APLF: variants seen among roughly 807,000 people sequenced by gnomAD.
APLF encodes aprataxin and PNKP like factor, also known as aprataxin and PNK-like factor.
A neutral mutation model predicts 55.6 loss-of-function variants in APLF; 61 were observed. The ratio of observed to expected loss-of-function variants is 1.10; its 90% confidence interval spans 0.89 to 1.36. APLF has a LOEUF of 1.36. Ranked by LOEUF, APLF falls within the 40% of genes most tolerant of loss-of-function variation. The probability of loss-of-function intolerance (pLI) is 0.00; values close to 1 mark genes in which losing one functional copy is unlikely to be tolerated. For synonymous variants in APLF, 207 were observed against 214.8 expected (o/e 0.96, Z 0.32); for missense variants, 611 against 602.5 (o/e 1.01, Z -0.15).
chr2:68,512,070 A>G lies in APLF; in HGVS notation c.342-1010A>G, dbSNP rs184755851. On this transcript the variant is annotated intron_variant, in intron 3 of 9. Transcript: ENST00000303795. ...CATTTAATGAGGACAATTTACACAC[A>G]GTAGAGTTCATCCCTTTTAAATGTG... Among the ~76,000 whole-genome samples the G allele has an allele frequency of 4.6e-5, 7 of 151,858 alleles. No individual in the cohort carries two copies. The East Asian group carries it at 1.4e-3, about 29-fold the overall frequency.
At chr2:68,494,486 A>G (rs1025085311) in intron 2 of APLF, among the ~76,000 whole-genome samples, 3 of 151,048 alleles carry the variant, frequency 2.0e-5, no homozygotes, top group African/African-American at 7.3e-5. Context: ...GGTGCCACAC[A>G]CTTTTTTTTT....
chr2:68,513,473 T>A lies in APLF; in HGVS notation c.490-75T>A, dbSNP rs149432062. ...GCATATGGGTATTTTAATGGTAGTATTCTGCAAAGCAGATATTTTGCAAAT... is the reference window on the plus strand; with the variant it reads ...GCATATGGGTATTTTAATGGTAGTAATCTGCAAAGCAGATATTTTGCAAAT... On this transcript the variant is annotated intron_variant, in intron 4 of 9. Coordinates refer to ENST00000303795, the MANE Select transcript of APLF (RefSeq NM_173545.3). 2.6e-4 allele frequency: 385 copies of A among 1,501,820 alleles called. 1 individual carries two copies. In the African/African-American group the frequency reaches 4.4e-3, roughly 17 times the overall value. The allele number at this position is 1,501,820 out of a possible 1,614,324, so 93.0% of individuals were successfully genotyped here. A position where few individuals can be genotyped will look rare whatever the true frequency, so the allele number is the denominator to read the frequency against.
intron 6 of APLF, among the ~76,000 whole-genome samples, chr2:68,530,169 C>A (rs1442968285): frequency 6.6e-6 from 1 of 152,266 alleles, no homozygotes; most frequent in Non-Finnish European, 1.5e-5. Context: ...GGCTTTGAAC[C>A]CGGGCTGTGC....
At chr2:68,493,826 T>TGGCCAGGCGC (rs1178619156) in intron 2 of APLF, among the ~76,000 whole-genome samples, 1 of 152,002 alleles carries the variant, frequency 6.6e-6, no homozygotes, top group Non-Finnish European at 1.5e-5. Flanking sequence ...TAGCCAGGCG[T>TGGCCAGGCGC]GGCCAGGCGC....
At chr2:68,541,949 C>A (rs1308761581) in intron 7 of APLF, among the ~76,000 whole-genome samples, 1 of 151,912 alleles carries the variant, frequency 6.6e-6, no homozygotes, top group African/African-American at 2.4e-5. Context: ...GACATATAGA[C>A]AAATGGAATA....
chr2:68,558,299 C>T (rs1671068679), intron 8 of APLF, among the ~76,000 whole-genome samples: 1 of 152,066 alleles, frequency 6.6e-6, no homozygotes, highest in African/African-American at 2.4e-5. Flanking sequence ...GTTATTTTGG[C>T]ATACATAGTA....
chr2:68,555,268 A>G (rs1670972671), intron 8 of APLF, among the ~76,000 whole-genome samples: 1 of 152,164 alleles, frequency 6.6e-6, no homozygotes, highest in African/African-American at 2.4e-5. Context: ...TTCATAACCA[A>G]AAACCTAAAA....
intron 2 of APLF, among the ~76,000 whole-genome samples, chr2:68,496,151 G>T (rs1676540205): frequency 6.6e-6 from 1 of 152,216 alleles, no homozygotes; most frequent in African/African-American, 2.4e-5. Flanking sequence ...ACCCAAGCTG[G>T]AGTGTAGTGG....
At chr2:68,556,187 TTTGGGAAC>T (rs1376079581) in intron 8 of APLF, among the ~76,000 whole-genome samples, 1 of 152,112 alleles carries the variant, frequency 6.6e-6, no homozygotes, top group African/African-American at 2.4e-5. Flanking sequence ...TACAATGGGC[TTTGGGAAC>T]TTGGGGAGAA....
intron 8 of APLF, among the ~76,000 whole-genome samples, chr2:68,563,927 G>T (rs1671228768): frequency 6.6e-6 from 1 of 151,976 alleles, no homozygotes; most frequent in Non-Finnish European, 1.5e-5. Context: ...GAAAAATCTT[G>T]ATGAAGATAT....
intron 1 of APLF, among the ~76,000 whole-genome samples, chr2:68,471,452 G>T (rs1184397485): frequency 6.6e-6 from 1 of 152,210 alleles, no homozygotes; most frequent in Non-Finnish European, 1.5e-5. Context: ...TTATAGTTTT[G>T]TAGGGTTAAG....
At chr2:68,538,839 C>A (rs576387908) in intron 7 of APLF, among the ~76,000 whole-genome samples, 1 of 152,144 alleles carries the variant, frequency 6.6e-6, no homozygotes, top group East Asian at 1.9e-4. Context: ...AATTACATAA[C>A]CCTATTTCAG....
chr2:68,537,133 C>T (rs77838748), intron 6 of APLF, among the ~76,000 whole-genome samples: 6,589 of 150,924 alleles, frequency 0.044, 171 homozygotes, highest in Middle Eastern at 0.096. Flanking sequence ...CCACCACACT[C>T]CAGGTTGGGA....
chr2:68,535,357 C>T (rs1483620045), intron 6 of APLF: 4 of 408,336 alleles, frequency 9.8e-6, no homozygotes, highest in East Asian at 8.5e-5. Context: ...CCTCATCCTT[C>T]GACCTCATTG....
At chr2:68,518,801 CT>C (rs1216535880) in intron 5 of APLF, among the ~76,000 whole-genome samples, 12 of 84,462 alleles carry the variant, frequency 1.4e-4, no homozygotes, top group African/African-American at 3.5e-4. Context: ...TATTAATAAT[CT>C]ATCATATAAT....
intron 1 of APLF, among the ~76,000 whole-genome samples, chr2:68,473,607 G>A (rs1558524785): frequency 6.6e-6 from 1 of 152,168 alleles, no homozygotes; most frequent in Non-Finnish European, 1.5e-5. Context: ...CTTCCAGAGT[G>A]GCTGTACTAT....
rs1195193180 is a variant in APLF, at chr2:68,490,203, G to C, written c.110G>C (p.Arg37Thr). 2 of 1,609,960 alleles carry C rather than the reference G, an allele frequency of 1.2e-6. No homozygotes were observed. Among genetic ancestry groups the C allele is most frequent in the Non-Finnish European group, 1.7e-6 (2 of 1,178,810 alleles). Residue 37 changes from arginine (R) to threonine (T), a missense_variant, in exon 2 of 10, where the codon AGA (arginine) becomes ACA (threonine). Physicochemically the swap from Arg to Thr is moderately conservative, Grantham distance 71. Transcript: ENST00000303795. The part of the protein sequence containing the change: ...RGPLLGITDK[R>T]VSRRHAILEV... Reference sequence around the variant, plus strand: ...TTTACTGTATAGATAACAGACAAGAGAGTATCCAGAAGACATGCCATTCTT... The same window carrying C: ...TTTACTGTATAGATAACAGACAAGACAGTATCCAGAAGACATGCCATTCTT...
At chr2:68,547,214 G>A (rs1241164782) in intron 8 of APLF, among the ~76,000 whole-genome samples, 1 of 151,726 alleles carries the variant, frequency 6.6e-6, no homozygotes, top group Non-Finnish European at 1.5e-5. Flanking sequence ...AACTTTAAAT[G>A]TAAAAATGAG....
At chr2:68,468,142 A>G (rs1675491366) in intron 1 of APLF, among the ~76,000 whole-genome samples, 1 of 152,238 alleles carries the variant, frequency 6.6e-6, no homozygotes, top group Admixed American at 6.5e-5. Context: ...TCTGAAATGT[A>G]AAATGTAAAC....
Sources: gnomAD v4.1 joint callset for allele counts (sites outside exome capture counted in the v4.1 genomes callset) on GRCh38, gnomAD v4.1.1 for gene constraint, MANE v1.5 for transcripts, NCBI Gene and HGNC (gene_info 2026-07-23, HGNC 2026-07-21) for gene names.